The following SH2D4A variants were observed in gnomAD, a reference collection of about 807,000 sequenced individuals.
SH2D4A encodes the protein SH2 domain-containing protein 4A.
A neutral mutation model predicts 64.7 loss-of-function variants in SH2D4A; 70 were observed. The observed-to-expected ratio is 1.08, with a 90% CI of 0.89 to 1.32. The LOEUF is 1.32. Ranked by LOEUF, SH2D4A falls within the 40% of genes most tolerant of loss-of-function variation. SH2D4A has a pLI of 0.00. For missense variants in SH2D4A, 706 were observed against 540.1 expected (o/e 1.31, Z -3.04); for synonymous variants, 268 against 200.7 (o/e 1.34, Z -2.83).
chr8:19,330,091 A>G (rs1563187023), intron 2 of SH2D4A, among the ~76,000 whole-genome samples: 2 of 152,194 alleles, frequency 1.3e-5, no homozygotes, highest in African/African-American at 2.4e-5. Flanking sequence ...TCATTCCTGT[A>G]TCACCTGCAG....
chr8:19,357,721 G>A (rs1311116566), intron 5 of SH2D4A, among the ~76,000 whole-genome samples: 1 of 152,138 alleles, frequency 6.6e-6, no homozygotes, highest in Non-Finnish European at 1.5e-5. Flanking sequence ...AACCCCTTCT[G>A]GCACTCAGCC....
At chr8:19,314,365 C>G (rs1043035118) in intron 1 of SH2D4A, among the ~76,000 whole-genome samples, 4 of 152,190 alleles carry the variant, frequency 2.6e-5, no homozygotes, top group Admixed American at 6.5e-5. Context: ...CAGCACGTTC[C>G]CCGCGCACCG....
chr8:19,361,099 C>T (rs1166230901), intron 5 of SH2D4A, 104 bp from the exon 6 acceptor site: 2 of 472,028 alleles, frequency 4.2e-6, no homozygotes, highest in African/African-American at 6.2e-5. Flanking sequence ...TAGAAGTCAG[C>T]TGTGCCGGGT....
intron 8 of SH2D4A, among the ~76,000 whole-genome samples, chr8:19,384,951 T>G (rs2053359896): frequency 6.6e-6 from 1 of 152,200 alleles, no homozygotes; most frequent in South Asian, 2.1e-4. Context: ...ATTCACATAT[T>G]TGCTTTATGT....
At chr8:19,381,691 A>G (rs779086028) in intron 8 of SH2D4A, among the ~76,000 whole-genome samples, 7 of 152,206 alleles carry the variant, frequency 4.6e-5, no homozygotes, top group Non-Finnish European at 8.8e-5. Context: ...GAATAGTTGA[A>G]TAGAAATGGC....
chr8:19,344,674 G>A (rs1283580448), intron 4 of SH2D4A, among the ~76,000 whole-genome samples: 1 of 152,130 alleles, frequency 6.6e-6, no homozygotes, highest in African/African-American at 2.4e-5. Flanking sequence ...ATCTTTTAAG[G>A]CCATGACAGC....
chr8:19,355,725 T>C (rs927699747), intron 4 of SH2D4A, among the ~76,000 whole-genome samples: 1 of 152,162 alleles, frequency 6.6e-6, no homozygotes, highest in Non-Finnish European at 1.5e-5. Flanking sequence ...GTAAAAATAA[T>C]ACTAAGACAC....
intron 6 of SH2D4A, among the ~76,000 whole-genome samples, chr8:19,361,806 AT>A (rs111901870): frequency 0.026 from 3,933 of 152,034 alleles, 151 homozygotes; most frequent in African/African-American, 0.089. Flanking sequence ...TGTGTTTTGG[AT>A]TTTTTTTCCC....
intron 8 of SH2D4A, among the ~76,000 whole-genome samples, chr8:19,388,102 C>T (rs549535635): frequency 6.6e-6 from 1 of 152,168 alleles, no homozygotes; most frequent in South Asian, 2.1e-4. Context: ...AAATGAACAC[C>T]CCTTTGTGAA....
At chr8:19,335,194 A>G (rs1356115828) in intron 4 of SH2D4A, among the ~76,000 whole-genome samples, 3 of 152,080 alleles carry the variant, frequency 2.0e-5, no homozygotes, top group Non-Finnish European at 4.4e-5. Context: ...AGGCTGAGGC[A>G]GGAGAACGGC....
At chr8:19,380,427 A>G (rs1388512365) in intron 8 of SH2D4A, among the ~76,000 whole-genome samples, 1 of 152,078 alleles carries the variant, frequency 6.6e-6, no homozygotes, top group African/African-American at 2.4e-5. Context: ...CTTTGGTGTC[A>G]TATCTAAGAA....
intron 8 of SH2D4A, among the ~76,000 whole-genome samples, chr8:19,392,093 A>C (rs190702849): frequency 2.6e-5 from 4 of 152,344 alleles, no homozygotes; most frequent in Admixed American, 2.6e-4. Flanking sequence ...TGATGGGAAT[A>C]AAAAATTTGG....
chr8:19,325,971 C>T (rs1381524357), intron 2 of SH2D4A, among the ~76,000 whole-genome samples: 2 of 152,160 alleles, frequency 1.3e-5, no homozygotes, highest in African/African-American at 2.4e-5. Flanking sequence ...AACATGATGG[C>T]AACTTCACAT....
At chr8:19,324,872 G>C (rs190527782) in intron 2 of SH2D4A, among the ~76,000 whole-genome samples, 2 of 152,154 alleles carry the variant, frequency 1.3e-5, no homozygotes, top group Admixed American at 6.5e-5. Context: ...CAGATCCTAG[G>C]GTAAGGTGAA....
At chr8:19,383,028 A>G (rs1444753189) in intron 8 of SH2D4A, among the ~76,000 whole-genome samples, 2 of 151,468 alleles carry the variant, frequency 1.3e-5, no homozygotes, top group African/African-American at 4.8e-5. Flanking sequence ...TGATTGTATT[A>G]TGTGTCAGTG....
intron 2 of SH2D4A, among the ~76,000 whole-genome samples, chr8:19,330,879 G>T (rs1022586216): frequency 4.6e-5 from 7 of 152,200 alleles, no homozygotes. Context: ...TATGAGGTAT[G>T]ACAGCTTTCT....
At chr8:19,328,373 A>C (rs981788185) in intron 2 of SH2D4A, among the ~76,000 whole-genome samples, 7 of 150,308 alleles carry the variant, frequency 4.7e-5, no homozygotes, top group Admixed American at 1.3e-4. Context: ...TTTTTTTTTT[A>C]CTCCTTAAGC....
In SH2D4A at chr8:19,313,785, G is replaced by A; in HGVS notation, c.-243G>A. The A allele has an allele frequency of 1.3e-6, 2 of 1,512,476 alleles. No individual in the cohort carries two copies. The highest frequency in any genetic ancestry group is 1.8e-6 in the Non-Finnish European group (2 of 1,135,832). The allele number at this position is 1,512,476 out of a possible 1,614,324, so 93.7% of individuals were successfully genotyped here. A position where few individuals can be genotyped will look rare whatever the true frequency, so the allele number is the denominator to read the frequency against. ...CTTCTGGCGGCCAAGTGGATGTGGC[G>A]GGTGATCGAGCCACCCTGCCCAGGG... On this transcript the variant is annotated 5_prime_UTR_variant, in exon 1 of 10. Coordinates refer to ENST00000265807, the MANE Select transcript of SH2D4A (RefSeq NM_022071.4).
chr8:19,368,554 C>G (rs527962911), intron 7 of SH2D4A, among the ~76,000 whole-genome samples: 1 of 149,980 alleles, frequency 6.7e-6, no homozygotes, highest in African/African-American at 2.4e-5. Flanking sequence ...AGACATTTCA[C>G]CTCCTTGGTT....
Sources: allele counts gnomAD v4.1 joint callset (sites outside exome capture counted in the v4.1 genomes callset), GRCh38; gene constraint gnomAD v4.1.1; transcripts MANE v1.5; gene names NCBI Gene and HGNC (gene_info 2026-07-23, HGNC 2026-07-21).